MAP4K4: variants seen among roughly 807,000 people sequenced by gnomAD.
MAP4K4 encodes the protein HPK/GCK-like kinase HGK.
In MAP4K4, 38 loss-of-function variants were observed where a neutral mutation model predicts 189.6. The observed-to-expected ratio is 0.20, with a 90% CI of 0.15 to 0.26. The LOEUF (loss-of-function observed/expected upper bound fraction) is 0.26. Ranked by LOEUF, MAP4K4 falls within the 10% of genes least tolerant of loss-of-function variation. The pLI, the probability that MAP4K4 is intolerant of heterozygous loss-of-function variation, is 1.00. For synonymous variants in MAP4K4, 610 were observed against 624.3 expected (o/e 0.98, Z 0.34); for missense variants, 1,054 against 1,726.9 (o/e 0.61, Z 6.91).
chr2:101,817,635 C>T (rs1301264447), intron 3 of MAP4K4, among the ~76,000 whole-genome samples: 3 of 152,120 alleles, frequency 2.0e-5, no homozygotes, highest in East Asian at 1.9e-4. Context: ...CCAGAGGGCG[C>T]GCTGGGGGCT....
Position 101,698,147 on chromosome 2 carries a change from C to T in MAP4K4, c.57+10C>T, listed in dbSNP as rs780209662. 1 of 1,208,558 alleles carries T rather than the reference C, an allele frequency of 8.3e-7. No individual in the cohort carries two copies. The highest frequency in any genetic ancestry group is 1.1e-6 in the Non-Finnish European group (1 of 936,596). 74.9% of individuals were successfully genotyped at this position (1,208,558 alleles called of 1,614,324 possible). A position where few individuals can be genotyped will look rare whatever the true frequency, so the allele number is the denominator to read the frequency against. Reference sequence around the variant, plus strand: ...CCTCTCCTCCCTGCGGGTGAGTGGGCCCGCGAGCGGGCGCGCGGGGAGCGG... The same window carrying T: ...CCTCTCCTCCCTGCGGGTGAGTGGGTCCGCGAGCGGGCGCGCGGGGAGCGG... On this transcript the variant is annotated intron_variant, in intron 1 of 32. Transcript: ENST00000324219.
intron 2 of MAP4K4, among the ~76,000 whole-genome samples, chr2:101,769,150 G>A (rs1293682032): frequency 6.6e-6 from 1 of 152,172 alleles, no homozygotes; most frequent in Non-Finnish European, 1.5e-5. Context: ...CACTATTAAA[G>A]TTTCGTTAAG....
chr2:101,893,646 AGGATGT>A (rs1311538596), exon 33 of MAP4K4: 1 of 166,876 alleles, frequency 6.0e-6, no homozygotes, highest in Non-Finnish European at 1.3e-5. Flanking sequence ...CAGAGAACAA[AGGATGT>A]GGCATAATGG....
chr2:101,705,825 A>G (rs925314335), intron 2 of MAP4K4, among the ~76,000 whole-genome samples: 2 of 152,048 alleles, frequency 1.3e-5, no homozygotes, highest in East Asian at 1.9e-4. Flanking sequence ...AGAATTGAGG[A>G]CTGTTGTTTG....
intron 2 of MAP4K4, among the ~76,000 whole-genome samples, chr2:101,770,882 C>G (rs1229517117): frequency 6.6e-6 from 1 of 152,136 alleles, no homozygotes; most frequent in African/African-American, 2.4e-5. Context: ...TGACCAGAAT[C>G]TAGATGAATG....
At chr2:101,838,635 T>C (rs2096832740) in intron 9 of MAP4K4, among the ~76,000 whole-genome samples, 1 of 152,248 alleles carries the variant, frequency 6.6e-6, no homozygotes, top group African/African-American at 2.4e-5. Context: ...AAGTTTGATA[T>C]ATGTCCGCTG....
At chr2:101,882,376 G>A (rs1205822847) in intron 27 of MAP4K4, among the ~76,000 whole-genome samples, 175 bp from the exon 28 acceptor site, 2 of 152,130 alleles carry the variant, frequency 1.3e-5, no homozygotes, top group South Asian at 2.1e-4. Context: ...TACATATTCT[G>A]GATTATGACT....
chr2:101,866,535 A>G, exon 19 of MAP4K4: 1 of 1,613,598 alleles, frequency 6.2e-7, no homozygotes, highest in Non-Finnish European at 8.5e-7. Flanking sequence ...CCCGGGTCTC[A>G]CCCTGGGTCT....
At chr2:101,875,397 C>T (rs2098170884) in intron 26 of MAP4K4, among the ~76,000 whole-genome samples, 1 of 150,942 alleles carries the variant, frequency 6.6e-6, no homozygotes, top group Non-Finnish European at 1.5e-5. Context: ...AGGGTTAAGT[C>T]ACTATGCCCA....
intron 12 of MAP4K4, among the ~76,000 whole-genome samples, chr2:101,850,569 G>A (rs1450681705): frequency 6.6e-6 from 1 of 152,108 alleles, no homozygotes; most frequent in Non-Finnish European, 1.5e-5. Flanking sequence ...AACATTAGGA[G>A]TACATGTTAG....
chr2:101,842,583 C>T, intron 10 of MAP4K4, 26 bp from the exon 11 acceptor site: 1 of 1,548,928 alleles, frequency 6.5e-7, no homozygotes. Flanking sequence ...TGAACTGTCC[C>T]ATTTATCTTG....
At chr2:101,846,072 A>C (rs2097099925) in intron 12 of MAP4K4, among the ~76,000 whole-genome samples, 1 of 152,220 alleles carries the variant, frequency 6.6e-6, no homozygotes, top group Admixed American at 6.5e-5. Flanking sequence ...TGCTGAACTA[A>C]GGAGCCTGCA....
intron 3 of MAP4K4, among the ~76,000 whole-genome samples, chr2:101,793,093 A>G (rs1216729096): frequency 6.6e-6 from 1 of 152,214 alleles, no homozygotes; most frequent in African/African-American, 2.4e-5. Flanking sequence ...CTTGCCTGAA[A>G]AATCAGGCAA....
chr2:101,716,529 A>G (rs1468601320), intron 2 of MAP4K4, among the ~76,000 whole-genome samples: 1 of 151,838 alleles, frequency 6.6e-6, no homozygotes, highest in African/African-American at 2.4e-5. Flanking sequence ...AAAAAGATAC[A>G]GTTCGTGTTT....
chr2:101,719,221 G>A (rs1191647003), intron 2 of MAP4K4, among the ~76,000 whole-genome samples: 1 of 152,214 alleles, frequency 6.6e-6, no homozygotes, highest in Admixed American at 6.5e-5. Context: ...GGAAGGCAGT[G>A]CAGTGAAGTG....
chr2:101,883,075 C>G (rs2098425286), intron 28 of MAP4K4, among the ~76,000 whole-genome samples: 2 of 152,198 alleles, frequency 1.3e-5, no homozygotes, highest in Non-Finnish European at 2.9e-5. Flanking sequence ...TGACTTGAGT[C>G]CTTTTTTACA....
chr2:101,774,576 G>T (rs2083049521), intron 2 of MAP4K4, among the ~76,000 whole-genome samples: 1 of 152,068 alleles, frequency 6.6e-6, no homozygotes, highest in African/African-American at 2.4e-5. Flanking sequence ...ATGTTATCCT[G>T]TTTTGTCCAT....
intron 6 of MAP4K4, 47 bp from the exon 7 acceptor site, chr2:101,831,674 G>A (rs767011446): frequency 2.6e-6 from 4 of 1,556,994 alleles, no homozygotes; most frequent in Admixed American, 3.9e-5. Context: ...TATCTGGTTT[G>A]TAGTTGTGTT....
At chr2:101,698,668 T>TA in intron 2 of MAP4K4, 130 bp downstream of exon 2, 1 of 801,580 alleles carries the variant, frequency 1.2e-6, no homozygotes, top group Non-Finnish European at 2.1e-6. Context: ...AGGGGTTTCT[T>TA]TCGCCTTGCA....
Sources: allele counts gnomAD v4.1 joint callset (sites outside exome capture counted in the v4.1 genomes callset), GRCh38; gene constraint gnomAD v4.1.1; transcripts MANE v1.5; gene names NCBI Gene and HGNC (gene_info 2026-07-23, HGNC 2026-07-21).